Variants in ARID5B observed in about 807,000 individuals in gnomAD.
ARID5B encodes the protein AT-rich interactive domain-containing protein 5B.
Under a neutral mutation model 97.2 loss-of-function variants are expected in ARID5B, and 13 were observed. That is an observed-to-expected ratio of 0.13 (90% CI 0.09 to 0.21). The LOEUF is 0.21. Ranked by LOEUF, ARID5B falls within the 10% of genes least tolerant of loss-of-function variation. The probability of loss-of-function intolerance (pLI) is 1.00; values close to 1 mark genes in which losing one functional copy is unlikely to be tolerated. For synonymous variants in ARID5B, 556 were observed against 570.3 expected, an observed-to-expected ratio of 0.97 and a Z score of 0.36; for missense variants, 1,210 against 1,465.3, an observed-to-expected ratio of 0.83 and a Z score of 2.84.
intron 4 of ARID5B, among the ~76,000 whole-genome samples, chr10:62,018,707 G>A (rs28716051): frequency 7.4e-6 from 1 of 135,964 alleles, no homozygotes; most frequent in African/African-American, 2.8e-5. Context: ...TTGTGATTAT[G>A]TCTTATGATC....
intron 2 of ARID5B, among the ~76,000 whole-genome samples, chr10:61,913,913 G>A (rs1057219065): frequency 1.3e-5 from 2 of 152,052 alleles, no homozygotes; most frequent in African/African-American, 2.4e-5. Flanking sequence ...CACCATGTCC[G>A]GCTAATTTTG....
Position 62,092,580 on chromosome 10 carries a change from G to C in ARID5B, c.3117G>C (p.Glu1039Asp). 6.2e-7 allele frequency: 1 copy of C among 1,614,194 alleles called. No individual in the cohort carries two copies. Among genetic ancestry groups the C allele is most frequent in the Middle Eastern group, 1.6e-4 (1 of 6,062 alleles). The change falls in exon 10 of 10, where the codon GAG (glutamate) becomes GAC (aspartate). Residue 1039 changes from glutamate (E) to aspartate (D), a missense_variant. Transcript: ENST00000279873. ...TGTCTCCCTTAGACCCATCCAAGGA[G>C]GTCTCTGGGAAGGAGAAGGCCTCTG... ...RAVSPLDPSK[E>D]VSGKEKASEQ... is the part of the protein sequence containing the mutation.
intron 8 of ARID5B, among the ~76,000 whole-genome samples, chr10:62,071,704 C>T: frequency 6.6e-6 from 1 of 152,008 alleles, no homozygotes; most frequent in East Asian, 1.9e-4. Flanking sequence ...TCAGGAGATT[C>T]CTGAAAGCTT....
At chr10:61,937,484 A>T (rs1023762048) in intron 2 of ARID5B, among the ~76,000 whole-genome samples, 3 of 152,224 alleles carry the variant, frequency 2.0e-5, no homozygotes, top group African/African-American at 4.8e-5. Context: ...TAAAACAATG[A>T]CGAAAGGGGA....
At chr10:62,064,369 C>T (rs1839959593) in intron 7 of ARID5B, among the ~76,000 whole-genome samples, 1 of 152,216 alleles carries the variant, frequency 6.6e-6, no homozygotes, top group Non-Finnish European at 1.5e-5. Context: ...AGCTGTTTCT[C>T]AGAACAGCCC....
chr10:62,043,149 A>G (rs1046092313), intron 4 of ARID5B, among the ~76,000 whole-genome samples: 1 of 152,126 alleles, frequency 6.6e-6, no homozygotes, highest in Non-Finnish European at 1.5e-5. Context: ...CAGACAGCCA[A>G]ATAGACCAGA....
intron 3 of ARID5B, among the ~76,000 whole-genome samples, chr10:61,980,917 C>T (rs766064499): frequency 3.9e-5 from 6 of 152,300 alleles, no homozygotes; most frequent in Non-Finnish European, 2.9e-5. Context: ...CTCCTCTGGG[C>T]ACCTCCACTG....
intron 8 of ARID5B, among the ~76,000 whole-genome samples, chr10:62,070,070 C>T (rs1840043538): frequency 6.7e-6 from 1 of 150,176 alleles, no homozygotes; most frequent in Non-Finnish European, 1.5e-5. Flanking sequence ...GCATAGATTA[C>T]TCAGGATGTT....
intron 2 of ARID5B, among the ~76,000 whole-genome samples, chr10:61,922,930 A>G (rs1197042746): frequency 6.6e-6 from 1 of 152,134 alleles, no homozygotes; most frequent in Non-Finnish European, 1.5e-5. Flanking sequence ...TAGGCATTAG[A>G]GCTTTGAGAA....
intron 9 of ARID5B, among the ~76,000 whole-genome samples, chr10:62,087,172 A>G (rs71508905): frequency 1.3e-5 from 2 of 150,862 alleles, no homozygotes; most frequent in African/African-American, 4.9e-5. Context: ...GGTGGTGGGC[A>G]CCTGTAGTCC....
In ARID5B at chr10:62,091,229, A is replaced by G; in HGVS notation, c.1766A>G (p.Glu589Gly). Reference sequence around the variant, plus strand: ...TGTTTTACAGAGAGCCCTGAAAGTGAACCCCAAGAAGCATCCTTCCCCAGC... The same window carrying G: ...TGTTTTACAGAGAGCCCTGAAAGTGGACCCCAAGAAGCATCCTTCCCCAGC... ...LCCFTESPES[E>G]PQEASFPSFP... The change falls in exon 10 of 10, where the codon GAA becomes GGA. Residue 589 changes from glutamate to glycine, a missense_variant. This residue lies in a region of ARID5B where 800 missense variants were observed against 839.1 expected (regional missense o/e 0.95). Transcript: ENST00000279873. The G allele has an allele frequency of 6.2e-7, 1 of 1,614,130 alleles. No homozygotes were observed. Among genetic ancestry groups the G allele is most frequent in the Middle Eastern group, 1.6e-4 (1 of 6,062 alleles).
At chr10:61,930,878 G>A (rs1844198338) in intron 2 of ARID5B, among the ~76,000 whole-genome samples, 1 of 151,998 alleles carries the variant, frequency 6.6e-6, no homozygotes, top group Admixed American at 6.6e-5. Context: ...ACAAACGCTG[G>A]TACATTGACT....
chr10:61,903,373 G>A (rs759487332), intron 2 of ARID5B, among the ~76,000 whole-genome samples: 3 of 152,226 alleles, frequency 2.0e-5, no homozygotes, highest in African/African-American at 7.2e-5. Context: ...ACTGGGCGCC[G>A]GGGCGGCCGC....
intron 8 of ARID5B, among the ~76,000 whole-genome samples, chr10:62,084,138 C>T (rs1203195979): frequency 1.3e-5 from 2 of 152,176 alleles, no homozygotes; most frequent in Non-Finnish European, 2.9e-5. Context: ...GGCCAACTGC[C>T]AGATGTAGGG....
chr10:61,903,382 G>A (rs570483868), intron 2 of ARID5B, among the ~76,000 whole-genome samples: 2 of 152,236 alleles, frequency 1.3e-5, no homozygotes, highest in Non-Finnish European at 2.9e-5. Context: ...CGGGGCGGCC[G>A]CCTCCCTTCG....
intron 3 of ARID5B, among the ~76,000 whole-genome samples, chr10:61,961,095 C>A (rs1278047550): frequency 6.6e-6 from 1 of 152,196 alleles, no homozygotes; most frequent in East Asian, 1.9e-4. Flanking sequence ...ATCAGGATAT[C>A]CTAGACTTTA....
intron 4 of ARID5B, among the ~76,000 whole-genome samples, chr10:62,023,525 G>C (rs1230522143): frequency 6.6e-6 from 1 of 152,306 alleles, no homozygotes; most frequent in African/African-American, 2.4e-5. Context: ...AAGTACTGCA[G>C]AGCTGAAGGA....
rs994145812 is a variant in ARID5B at position 61,938,851 on chromosome 10, A to G, written c.277-1332A>G. Among the ~76,000 whole-genome samples, 3 of 150,936 alleles carry G rather than the reference A, an allele frequency of 2.0e-5. No individual in the cohort carries two copies. In the Admixed American group the frequency reaches 2.0e-4, roughly 10 times the overall value. Reference sequence around the variant, plus strand: ...AGCAGCTTGGAACTCAATGAGGAAAATTGAAATTTTAGATCCTACCTTAAA... The same window carrying G: ...AGCAGCTTGGAACTCAATGAGGAAAGTTGAAATTTTAGATCCTACCTTAAA... On this transcript the variant is annotated intron_variant, in intron 2 of 9. Coordinates refer to ENST00000279873, the MANE Select transcript of ARID5B (RefSeq NM_032199.3).
rs1340847761 is a variant in ARID5B, at chr10:61,902,374, A to G, written c.237A>G (p.Pro79=). The change falls in exon 2 of 10, where the codon CCA becomes CCG. Residue 79 remains proline (P), a synonymous_variant. Coordinates refer to ENST00000279873, the MANE Select transcript of ARID5B (RefSeq NM_032199.3). ...LLSSSKLYFL[P]EDTPQGRNSD... ...CCAGCTCTAAACTTTATTTCCTCCC[A>G]GAAGACACTCCCCAGGGCAGAAATA... is the stretch of plus-strand genomic sequence containing the variant. 3 of 1,614,180 alleles carry G rather than the reference A, an allele frequency of 1.9e-6. No individual in the cohort carries two copies. Among genetic ancestry groups the G allele is most frequent in the East Asian group, 2.2e-5 (1 of 44,888 alleles).
Sources: allele counts gnomAD v4.1 joint callset (sites outside exome capture counted in the v4.1 genomes callset), GRCh38; gene constraint gnomAD v4.1.1; regional missense constraint gnomAD v4.1.1; transcripts MANE v1.5; gene names NCBI Gene and HGNC (gene_info 2026-07-23, HGNC 2026-07-21).